The following WWOX variants were observed in gnomAD, a reference collection of about 807,000 sequenced individuals.
The protein encoded by WWOX is WW domain-containing oxidoreductase.
In WWOX, 69 loss-of-function variants were observed where a neutral mutation model predicts 46.2. The ratio of observed to expected loss-of-function variants is 1.49; its 90% CI spans 1.23 to 1.82. The LOEUF is 1.82. WWOX is among the 40% of genes most tolerant of loss of function. The pLI, the probability that WWOX is intolerant of heterozygous loss-of-function variation, is 0.00. For synonymous variants in WWOX, 359 were observed against 202.6 expected (o/e 1.77, Z -6.56); for missense variants, 919 against 542.6 (o/e 1.69, Z -6.89).
chr16:79,008,016 G>A (rs950267004), intron 8 of WWOX, among the ~76,000 whole-genome samples: 4 of 152,182 alleles, frequency 2.6e-5, no homozygotes, highest in African/African-American at 9.7e-5. Flanking sequence ...TAAAAGTCCT[G>A]GTTCAGGCTG....
intron 8 of WWOX, among the ~76,000 whole-genome samples, chr16:78,955,344 G>C (rs189750406): frequency 1.7e-3 from 259 of 152,286 alleles, no homozygotes; most frequent in Non-Finnish European, 2.8e-3. Context: ...GTTGAGAGGA[G>C]CATTGAGGAG....
chr16:79,191,911 T>G (rs1350557451), intron 8 of WWOX, among the ~76,000 whole-genome samples: 4 of 152,200 alleles, frequency 2.6e-5, no homozygotes, highest in Admixed American at 2.6e-4. Flanking sequence ...ACAGGGAGTT[T>G]AAGGGAGCAA....
intron 8 of WWOX, among the ~76,000 whole-genome samples, chr16:78,748,345 G>A (rs1011509223): frequency 3.9e-5 from 6 of 152,202 alleles, no homozygotes; most frequent in African/African-American, 1.4e-4. Flanking sequence ...CCCAGTGGTG[G>A]AAGTGCTTCA....
intron 8 of WWOX, among the ~76,000 whole-genome samples, chr16:79,086,428 A>T (rs1419283676): frequency 1.3e-5 from 2 of 152,210 alleles, no homozygotes; most frequent in Non-Finnish European, 2.9e-5. Context: ...GAGGGTATTG[A>T]GCTCTAATTT....
intron 8 of WWOX, among the ~76,000 whole-genome samples, chr16:79,189,423 TTGTGTGTGTGTGTGTGTGTG>T (rs4035319): frequency 0.078 from 8,926 of 114,964 alleles, 405 homozygotes; most frequent in East Asian, 0.21. Context: ...ACTCCCAGCT[TTGTGTGTGTGTGTGTGTGTG>T]TGTGTGTGTG....
At chr16:78,276,610 C>T (rs541777038) in intron 5 of WWOX, among the ~76,000 whole-genome samples, 9 of 152,210 alleles carry the variant, frequency 5.9e-5, no homozygotes, top group African/African-American at 2.2e-4. Context: ...AACTCTGGCT[C>T]TGCAGCTGAA....
At chr16:78,726,364 C>T (rs2048837389) in intron 8 of WWOX, among the ~76,000 whole-genome samples, 1 of 151,728 alleles carries the variant, frequency 6.6e-6, no homozygotes, top group Non-Finnish European at 1.5e-5. Flanking sequence ...TAGCTGGGAC[C>T]ACAGGTATGC....
chr16:78,870,227 A>G (rs562534597), intron 8 of WWOX, among the ~76,000 whole-genome samples: 4 of 152,214 alleles, frequency 2.6e-5, no homozygotes, highest in Non-Finnish European at 5.9e-5. Context: ...GTTGATACAC[A>G]TTCAGGACTC....
chr16:78,491,511 G>A (rs547954819), intron 8 of WWOX, among the ~76,000 whole-genome samples: 3 of 152,224 alleles, frequency 2.0e-5, no homozygotes, highest in African/African-American at 7.2e-5. Flanking sequence ...CACCCAGGCT[G>A]GAGTGCAGTG....
At chr16:78,949,647 G>T (rs569313424) in intron 8 of WWOX, among the ~76,000 whole-genome samples, 1 of 152,196 alleles carries the variant, frequency 6.6e-6, no homozygotes, top group African/African-American at 2.4e-5. Context: ...TCCAAGGCTC[G>T]TGTTAACTCC....
chr16:78,604,178 G>C (rs1438036001), intron 8 of WWOX, among the ~76,000 whole-genome samples: 1 of 152,060 alleles, frequency 6.6e-6, no homozygotes, highest in Non-Finnish European at 1.5e-5. Context: ...TCTGAATTTT[G>C]AAGACACAAA....
At chr16:78,442,507 T>G (rs898691420) in intron 8 of WWOX, among the ~76,000 whole-genome samples, 1 of 152,138 alleles carries the variant, frequency 6.6e-6, no homozygotes, top group African/African-American at 2.4e-5. Flanking sequence ...TCTGTGAGTT[T>G]GACTGCTTTA....
rs112807405 is a variant in WWOX, at chr16:78,560,078, G to T, written c.1056+127326G>T. Among the ~76,000 whole-genome samples the T allele has an allele frequency of 5.0e-3, 767 of 152,250 alleles. 8 individuals carry two copies. Among genetic ancestry groups the T allele is most frequent in the African/African-American group, 0.017 (693 of 41,538 alleles). On this transcript the variant is annotated intron_variant, in intron 8 of 8. Coordinates refer to ENST00000566780, the MANE Select transcript of WWOX (RefSeq NM_016373.4). ...TTTGGTTGTTAGGAGAAATTTACAA[G>T]GCCATTTTTTTCTCCCGTCTCTGCA...
At chr16:78,546,180 G>T (rs1300643152) in intron 8 of WWOX, among the ~76,000 whole-genome samples, 1 of 152,184 alleles carries the variant, frequency 6.6e-6, no homozygotes, top group Non-Finnish European at 1.5e-5. Flanking sequence ...GACAAAGAAT[G>T]TAAGTTACTA....
chr16:78,858,921 C>T (rs543511805), intron 8 of WWOX, among the ~76,000 whole-genome samples: 51 of 148,866 alleles, frequency 3.4e-4, no homozygotes, highest in Middle Eastern at 3.4e-3. Flanking sequence ...TCAAGTTACC[C>T]TCCCACCTCA....
At chr16:78,929,917 G>C (rs1166616116) in intron 8 of WWOX, among the ~76,000 whole-genome samples, 1 of 152,124 alleles carries the variant, frequency 6.6e-6, no homozygotes, top group Non-Finnish European at 1.5e-5. Flanking sequence ...TTTTCTAAGA[G>C]GTACACGGTA....
At chr16:78,679,629 G>A (rs2550655) in intron 8 of WWOX, among the ~76,000 whole-genome samples, 96,485 of 152,076 alleles carry the variant, frequency 0.63, 30,802 homozygotes, top group Middle Eastern at 0.69. Context: ...TTCTTGAAAG[G>A]AACAGTAACA....
chr16:78,896,820 A>G (rs780573790), intron 8 of WWOX: 18 of 152,076 alleles, frequency 1.2e-4, no homozygotes, highest in Non-Finnish European at 2.2e-4. Flanking sequence ...ATTGAGACAT[A>G]ATTTACATAA....
intron 5 of WWOX, among the ~76,000 whole-genome samples, chr16:78,221,026 A>G (rs2036869947): frequency 6.6e-6 from 1 of 152,208 alleles, no homozygotes; most frequent in African/African-American, 2.4e-5. Context: ...ATCCAAATGT[A>G]TCATATATCT....
Sources: allele counts gnomAD v4.1 joint callset (sites outside exome capture counted in the v4.1 genomes callset), GRCh38; gene constraint gnomAD v4.1.1; transcripts MANE v1.5; gene names NCBI Gene and HGNC (gene_info 2026-07-23, HGNC 2026-07-21).